COPG2: variants seen among roughly 807,000 people sequenced by gnomAD.
The protein encoded by COPG2 is coatomer subunit gamma-2.
Under a neutral mutation model 46.3 loss-of-function variants are expected in COPG2, and 37 were observed. The observed-to-expected ratio is 0.80, with a 90% CI of 0.61 to 1.05. The LOEUF (loss-of-function observed/expected upper bound fraction) is 1.05, where lower values mean the gene tolerates loss of function less well. Ranked by LOEUF, COPG2 falls within the 50% of genes least tolerant of loss-of-function variation. COPG2 has a pLI of 0.00. For missense variants in COPG2, 427 were observed against 387.8 expected (o/e 1.10, Z -0.85); for synonymous variants, 159 against 129.7 (o/e 1.23, Z -1.53).
chr7:130,534,598 A>T (rs1187037965), intron 20 of COPG2, among the ~76,000 whole-genome samples: 1 of 152,162 alleles, frequency 6.6e-6, no homozygotes, highest in African/African-American at 2.4e-5. Flanking sequence ...ATACAGAGTA[A>T]ATCCAGTGGT....
rs1276293375 is a variant in COPG2, at chr7:130,547,715, CAT to C, written c.2106_2107del (p.Ile702MetfsTer9). The C allele has an allele frequency of 5.0e-6, 2 of 398,520 alleles. No individual in the cohort carries two copies. Among genetic ancestry groups the C allele is most frequent in the Non-Finnish European group, 8.8e-6 (2 of 226,104 alleles). 24.7% of individuals were successfully genotyped at this position (398,520 alleles called of 1,614,324 possible). A position where few individuals can be genotyped will look rare whatever the true frequency, so the allele number is the denominator to read the frequency against. On this transcript the variant is annotated frameshift_variant, in exon 20 of 24. Transcript: ENST00000425248. LOFTEE classifies it high-confidence loss of function. Reference sequence around the variant, plus strand: ...ATCAGGCAAACGAACAAGAGTGTAACATATTCCTGGTTGGTTATAAGGAAGGC... The same window carrying C: ...ATCAGGCAAACGAACAAGAGTGTAACATTCCTGGTTGGTTATAAGGAAGGC...
rs77507396 is a variant in COPG2 at position 130,615,651 on chromosome 7, C to T, written c.399+1339G>A. On this transcript the variant is annotated intron_variant, in intron 6 of 23. Transcript: ENST00000425248. Reference sequence around the variant, plus strand: ...TCATCTCTGAGCCTAGAAGTTAGGACTGTTTATTTATAAAAGAGATTGGAG... The same window carrying T: ...TCATCTCTGAGCCTAGAAGTTAGGATTGTTTATTTATAAAAGAGATTGGAG... 1.4e-3 allele frequency among the ~76,000 whole-genome samples: 220 copies of T among 152,288 alleles called. 4 individuals carry two copies. In the East Asian group the frequency reaches 0.028, roughly 19 times the overall value.
intron 20 of COPG2, among the ~76,000 whole-genome samples, chr7:130,521,785 C>T (rs1799726163): frequency 6.6e-6 from 1 of 151,770 alleles, no homozygotes; most frequent in Non-Finnish European, 1.5e-5. Flanking sequence ...ACAATGAGGT[C>T]AGAAGAACAA....
chr7:130,527,891 T>C (rs1799788923), intron 20 of COPG2, among the ~76,000 whole-genome samples: 1 of 151,986 alleles, frequency 6.6e-6, no homozygotes, highest in African/African-American at 2.4e-5. Context: ...AACGCCTCGG[T>C]CCCAGACTCA....
chr7:130,510,979 G>A (rs368144991), intron 20 of COPG2: 55 of 519,828 alleles, frequency 1.1e-4, no homozygotes, highest in African/African-American at 1.0e-3. Context: ...CATTAAAACT[G>A]TTCTCTGAAA....
chr7:130,525,096 C>T (rs1039265628), intron 20 of COPG2, among the ~76,000 whole-genome samples: 16 of 151,964 alleles, frequency 1.1e-4, no homozygotes, highest in South Asian at 4.2e-4. Flanking sequence ...AAAAGAGAGA[C>T]GTGGGAGTGG....
intron 4 of COPG2, among the ~76,000 whole-genome samples, chr7:130,661,797 A>C (rs1795986051): frequency 6.6e-6 from 1 of 152,200 alleles, no homozygotes; most frequent in Non-Finnish European, 1.5e-5. Context: ...TTCTTTTCTC[A>C]GGAAAAGAAA....
intron 9 of COPG2, among the ~76,000 whole-genome samples, chr7:130,592,149 G>A (rs1462844016): frequency 3.3e-5 from 5 of 152,122 alleles, no homozygotes; most frequent in Admixed American, 2.0e-4. Context: ...ACTCAGGGTT[G>A]AATGGATTAA....
In COPG2 at chr7:130,651,348, G is replaced by A. The variant is rs540293906; in HGVS notation, c.323+1521C>T. 5.0e-4 allele frequency among the ~76,000 whole-genome samples: 75 copies of A among 150,200 alleles called. 1 individual carries two copies. The highest frequency in any genetic ancestry group is 1.7e-3 in the African/African-American group (70 of 40,830). ...TTTTTTTTTTCTGAGACTGAGTCTC[G>A]CTCTGTCACCCAGGCTGGAGTGCAG... On this transcript the variant is annotated intron_variant, in intron 5 of 23. Coordinates refer to ENST00000425248, the MANE Select transcript of COPG2 (RefSeq NM_012133.6).
At chr7:130,534,240 G>C (rs1799857749) in intron 20 of COPG2, among the ~76,000 whole-genome samples, 1 of 152,150 alleles carries the variant, frequency 6.6e-6, no homozygotes, top group South Asian at 2.1e-4. Flanking sequence ...AGGGCATCAG[G>C]AATCACTGCA....
intron 5 of COPG2, among the ~76,000 whole-genome samples, chr7:130,642,540 T>A (rs982537841): frequency 3.5e-4 from 53 of 152,168 alleles, no homozygotes; most frequent in African/African-American, 1.2e-3. Context: ...AACATAAATG[T>A]TTTAGAAGTT....
chr7:130,654,958 T>G (rs916952813), intron 4 of COPG2, among the ~76,000 whole-genome samples: 1 of 152,270 alleles, frequency 6.6e-6, no homozygotes, highest in East Asian at 1.9e-4. Context: ...GATCTCTTTG[T>G]ATCTCTCCTA....
intron 9 of COPG2, among the ~76,000 whole-genome samples, chr7:130,582,239 A>T (rs1330939386): frequency 6.7e-6 from 1 of 149,790 alleles, no homozygotes; most frequent in Non-Finnish European, 1.5e-5. Flanking sequence ...AAAAACAAGA[A>T]ATGGGGAAAG....
At chr7:130,547,059 A>C (rs1793457028) in intron 20 of COPG2, 1 of 152,150 alleles carries the variant, frequency 6.6e-6, no homozygotes, top group Non-Finnish European at 1.5e-5. Context: ...AAATAAGTAA[A>C]TACTACTATT....
At chr7:130,573,331 T>C (rs1793941559) in intron 9 of COPG2, among the ~76,000 whole-genome samples, 1 of 151,994 alleles carries the variant, frequency 6.6e-6, no homozygotes. Context: ...AAAGAACATT[T>C]ACTAACCAAC....
chr7:130,538,163 C>T (rs1009870727), intron 20 of COPG2, among the ~76,000 whole-genome samples: 97 of 152,044 alleles, frequency 6.4e-4, no homozygotes, highest in African/African-American at 1.4e-3. Context: ...AGACAGGGCA[C>T]GCAGGACTGG....
chr7:130,526,007 G>C (rs1457228493), intron 20 of COPG2, among the ~76,000 whole-genome samples: 1 of 138,502 alleles, frequency 7.2e-6, no homozygotes, highest in Non-Finnish European at 1.6e-5. Flanking sequence ...TGATGGGCAG[G>C]GATGCATCAG....
chr7:130,546,202 G>A (rs1239443709), intron 20 of COPG2, among the ~76,000 whole-genome samples: 2 of 152,202 alleles, frequency 1.3e-5, no homozygotes, highest in African/African-American at 4.8e-5. Context: ...GAAAAGAACT[G>A]ATGAAGTGCA....
At chr7:130,656,880 T>C (rs1276332756) in intron 4 of COPG2, among the ~76,000 whole-genome samples, 1 of 151,620 alleles carries the variant, frequency 6.6e-6, no homozygotes, top group Non-Finnish European at 1.5e-5. Flanking sequence ...CTAAAATTGC[T>C]CTTTAGATTT....
Sources: allele counts gnomAD v4.1 joint callset (sites outside exome capture counted in the v4.1 genomes callset), GRCh38; gene constraint gnomAD v4.1.1; transcripts MANE v1.5; gene names NCBI Gene and HGNC (gene_info 2026-07-23, HGNC 2026-07-21).